ZC3H12D: variants seen among roughly 807,000 people sequenced by gnomAD.
The protein encoded by ZC3H12D is zinc finger CCCH-type containing 12D.
ZC3H12D carries 11 observed loss-of-function variants against 24.2 expected under a neutral mutation model. That is an observed-to-expected ratio of 0.46 (90% confidence interval 0.29 to 0.75). The LOEUF is 0.75. Among genes scored for constraint, ZC3H12D ranks in the 30% least tolerant of loss-of-function variants. ZC3H12D has a pLI of 0.11. For missense variants in ZC3H12D, 740 were observed against 767.7 expected, an observed-to-expected ratio of 0.96 and a Z score of 0.43; for synonymous variants, 333 against 341.8, an observed-to-expected ratio of 0.97 and a Z score of 0.28.
In ZC3H12D at chr6:149,451,342, G is replaced by T; in HGVS notation, c.925C>A (p.Pro309Thr). The T allele has an allele frequency of 6.9e-7, 1 of 1,454,804 alleles. No individual in the cohort carries two copies. The highest frequency in any genetic ancestry group is 9.0e-7 in the Non-Finnish European group (1 of 1,114,530). The allele number at this position is 1,454,804 out of a possible 1,614,324, so 90.1% of individuals were successfully genotyped here. A position where few individuals can be genotyped will look rare whatever the true frequency, so the allele number is the denominator to read the frequency against. Residue 309 changes from proline (P) to threonine (T), a missense_variant, in exon 6 of 6, where the codon CCG becomes ACG. By Grantham distance (38) the Pro-to-Thr change is conservative. Transcript: ENST00000409806. Reference protein sequence around the residue: ...PGAGAEEQRPPRAPGGSAGAR... With the variant: ...PGAGAEEQRPTRAPGGSAGAR... Reference sequence around the variant, plus strand: ...CCTGCGGAGCCGCCCGGGGCTCTCGGTGGCCGCTGCTCCTCGGCGCCCGCG... The same window carrying T: ...CCTGCGGAGCCGCCCGGGGCTCTCGTTGGCCGCTGCTCCTCGGCGCCCGCG...
At chr6:149,460,133 T>C (rs1776048580) in intron 3 of ZC3H12D, among the ~76,000 whole-genome samples, 1 of 152,172 alleles carries the variant, frequency 6.6e-6, no homozygotes, top group South Asian at 2.1e-4. Context: ...GTACAGCACA[T>C]AACACTTGAT....
chr6:149,462,034 C>A (rs573218182), intron 2 of ZC3H12D, 64 bp from the exon 3 acceptor site: 3 of 1,537,070 alleles, frequency 2.0e-6, no homozygotes, highest in African/African-American at 1.4e-5. Flanking sequence ...GATTTCCCTG[C>A]GAATATCCTG....
intron 3 of ZC3H12D, among the ~76,000 whole-genome samples, chr6:149,457,348 T>C (rs1348169490): frequency 6.6e-6 from 1 of 152,178 alleles, no homozygotes; most frequent in Non-Finnish European, 1.5e-5. Context: ...TGGAAAGCCC[T>C]GCATGGGCCC....
At chr6:149,471,639 T>C (rs1271412457) in intron 2 of ZC3H12D, among the ~76,000 whole-genome samples, 1 of 152,260 alleles carries the variant, frequency 6.6e-6, no homozygotes, top group Non-Finnish European at 1.5e-5. Context: ...ACATTGTGTA[T>C]ATCATTTCAG....
At position 149,478,166 on chromosome 6, in the gene ZC3H12D, C is replaced by CA. The variant is rs34745745; in HGVS notation, c.-70-3554dup. On this transcript the variant is annotated intron_variant, in intron 1 of 5. Coordinates refer to ENST00000409806, the MANE Select transcript of ZC3H12D (RefSeq NM_207360.3). ...TGGGCAACAGAGCAAGACTCCATCT[C>CA]AAAAAAAAAAAAAAAAAAACTATTT... Among the ~76,000 whole-genome samples the CA allele has an allele frequency of 7.7e-3, 893 of 116,620 alleles. 4 individuals carry two copies. The highest frequency in any genetic ancestry group is 0.012 in the Non-Finnish European group (645 of 55,092). The allele number at this position is 116,620 out of a possible 152,430, so 76.5% of individuals were successfully genotyped here. A position where few individuals can be genotyped will look rare whatever the true frequency, so the allele number is the denominator to read the frequency against.
chr6:149,465,079 C>T (rs1047694678), intron 2 of ZC3H12D, among the ~76,000 whole-genome samples: 12 of 152,192 alleles, frequency 7.9e-5, no homozygotes, highest in African/African-American at 1.7e-4. Context: ...AGAAAAAGGA[C>T]GCGGTGGCTC....
intron 1 of ZC3H12D, among the ~76,000 whole-genome samples, chr6:149,481,280 G>A (rs1461099497): frequency 6.6e-6 from 1 of 151,704 alleles, no homozygotes; most frequent in Non-Finnish European, 1.5e-5. Context: ...AGGAGATGTG[G>A]GAGAAAGAAA....
At chr6:149,480,658 A>C (rs62441730) in intron 1 of ZC3H12D, among the ~76,000 whole-genome samples, 25 of 152,038 alleles carry the variant, frequency 1.6e-4, no homozygotes, top group Non-Finnish European at 1.5e-4. Context: ...ATCACTTGAA[A>C]CCAGGAGGCG....
In ZC3H12D at chr6:149,449,431, G is replaced by T. The variant is rs1163001941; in HGVS notation, c.*1252C>A. ...TATACTCCAGACAGAGTGACAGAGT[G>T]AGACTCTGTCTTTTTTTTTTTTTTA... On this transcript the variant is annotated 3_prime_UTR_variant, in exon 6 of 6. Coordinates refer to ENST00000409806, the MANE Select transcript of ZC3H12D (RefSeq NM_207360.3). The T allele has an allele frequency of 6.6e-6, 1 of 151,474 alleles. No homozygotes were observed. Among genetic ancestry groups the T allele is most frequent in the East Asian group, 1.9e-4 (1 of 5,170 alleles). 9.4% of individuals were successfully genotyped at this position (151,474 alleles called of 1,614,324 possible).
Position 149,452,742 on chromosome 6 carries a change from G to A in ZC3H12D, c.681-20C>T, listed in dbSNP as rs73779360. ...ATGAACCTGGAAAATAAGCACAGGG[G>A]CAACTGCAAGACCACCTGGGATTTG... On this transcript the variant is annotated intron_variant, in intron 4 of 5. Transcript: ENST00000409806. This position sits in a 1 kb window ranked among gnomAD's most constrained non-coding sequence, Gnocchi z 4.0. 0.019 allele frequency: 29,804 copies of A among 1,569,694 alleles called. 1,110 individuals carry two copies. Among genetic ancestry groups the A allele is most frequent in the South Asian group, 0.11 (9,720 of 86,370 alleles).
chr6:149,469,757 TGGCACCCTGAG>T (rs1776215788), intron 2 of ZC3H12D, among the ~76,000 whole-genome samples: 1 of 152,150 alleles, frequency 6.6e-6, no homozygotes, highest in Non-Finnish European at 1.5e-5. Context: ...GAGGCACATG[TGGCACCCTGAG>T]GGCATCCTGG....
At position 149,452,835 on chromosome 6, in the gene ZC3H12D, G is replaced by C. The variant is rs541725156; in HGVS notation, c.681-113C>G. The C allele has an allele frequency of 1.0e-5, 9 of 899,930 alleles. No homozygotes were observed. Among genetic ancestry groups the C allele is most frequent in the African/African-American group, 8.3e-5 (5 of 60,292 alleles). The allele number at this position is 899,930 out of a possible 1,614,324, so 55.7% of individuals were successfully genotyped here. ...GAACACCAGGAAGCATTCGGCCCCG[G>C]GCCCACCATCACCCAGCAGGATGTC... is the stretch of plus-strand genomic sequence containing the variant. On this transcript the variant is annotated intron_variant, in intron 4 of 5. Coordinates refer to ENST00000409806, the MANE Select transcript of ZC3H12D (RefSeq NM_207360.3). The surrounding 1 kb of genome is among the most constrained non-coding windows in gnomAD (Gnocchi z 4.0).
At chr6:149,466,660 G>A (rs1326945102) in intron 2 of ZC3H12D, among the ~76,000 whole-genome samples, 2 of 152,040 alleles carry the variant, frequency 1.3e-5, no homozygotes, top group Non-Finnish European at 2.9e-5. Context: ...GGCGGATCAC[G>A]AGGTCAGGAG....
intron 5 of ZC3H12D, 140 bp from the exon 6 acceptor site, chr6:149,451,619 ACTC>A: frequency 1.4e-6 from 1 of 720,388 alleles, no homozygotes; most frequent in Non-Finnish European, 2.1e-6. Context: ...GCCGCCGCGG[ACTC>A]CTCAGACTCA....
In ZC3H12D at chr6:149,450,887, G is replaced by A; in HGVS notation, c.1380C>T (p.Gly460=). Residue 460 remains glycine, a synonymous_variant, in exon 6 of 6, where the codon GGC becomes GGT. Coordinates refer to ENST00000409806, the MANE Select transcript of ZC3H12D (RefSeq NM_207360.3). ...CGTACACTGAAAGTCCCCCAGTGGC[G>A]CCGTCGCCCCAGGCCGGCTCCGCCC... is the stretch of plus-strand genomic sequence containing the variant. ...SVWAEPAWGD[G]ATGGLSVYAT... 6.5e-7 allele frequency: 1 copy of A among 1,541,292 alleles called. No individual in the cohort carries two copies. The highest frequency in any genetic ancestry group is 8.7e-7 in the Non-Finnish European group (1 of 1,146,530).
Position 149,456,631 on chromosome 6 carries a change from G to GCCCC in ZC3H12D, c.680+31_680+34dup. 1.3e-6 allele frequency: 1 copy of GCCCC among 794,052 alleles called. No individual in the cohort carries two copies. 49.2% of individuals were successfully genotyped at this position (794,052 alleles called of 1,614,324 possible). On this transcript the variant is annotated intron_variant, in intron 4 of 5. Coordinates refer to ENST00000409806, the MANE Select transcript of ZC3H12D (RefSeq NM_207360.3). The surrounding 1 kb of genome is among the most constrained non-coding windows in gnomAD (Gnocchi z 4.3). ...CTCGACCCCGGCCCCCCGCCCCGCC[G>GCCCC]CCCCCCAGGGTGTCAGGACCCCAGC...
At chr6:149,478,346 G>A (rs979184381) in intron 1 of ZC3H12D, among the ~76,000 whole-genome samples, 2 of 151,908 alleles carry the variant, frequency 1.3e-5, no homozygotes, top group East Asian at 1.9e-4. Context: ...TAACCCAGAC[G>A]TTAAAGAGAT....
chr6:149,450,538 A>T lies in ZC3H12D; in HGVS notation c.*145T>A. ...CCAGGCCCCCACAACCCCGCTCAGG[A>T]GGAGGAAGCAGGCTTCCCTGACCAT... On this transcript the variant is annotated 3_prime_UTR_variant, in exon 6 of 6. Coordinates refer to ENST00000409806, the MANE Select transcript of ZC3H12D (RefSeq NM_207360.3). 2.3e-6 allele frequency: 2 copies of T among 872,002 alleles called. No homozygotes were observed. Among genetic ancestry groups the T allele is most frequent in the Non-Finnish European group, 1.7e-6 (1 of 597,780 alleles). 54.0% of individuals were successfully genotyped at this position (872,002 alleles called of 1,614,324 possible). A position where few individuals can be genotyped will look rare whatever the true frequency, so the allele number is the denominator to read the frequency against.
chr6:149,455,508 A>G (rs542287142), intron 4 of ZC3H12D, among the ~76,000 whole-genome samples: 3 of 152,318 alleles, frequency 2.0e-5, no homozygotes, highest in Admixed American at 2.0e-4. Flanking sequence ...GTGCTCTGTC[A>G]CACGCTGCTC....
Sources: gnomAD v4.1 joint callset for allele counts (sites outside exome capture counted in the v4.1 genomes callset) on GRCh38, gnomAD v4.1.1 for gene constraint, Gnocchi (gnomAD v3.1) non-coding constraint, MANE v1.5 for transcripts, NCBI Gene and HGNC (gene_info 2026-07-23, HGNC 2026-07-21) for gene names.